TMEM117: variants seen among roughly 807,000 people sequenced by gnomAD.
The protein encoded by TMEM117 is transmembrane protein 117.
TMEM117 carries 27 observed loss-of-function variants against 52.4 expected under a neutral mutation model. That is an observed-to-expected ratio of 0.51 (90% CI 0.38 to 0.71). TMEM117 has a LOEUF of 0.71. Among genes scored for constraint, TMEM117 ranks in the 30% least tolerant of loss-of-function variants. The pLI is 0.00. For missense variants in TMEM117, 556 were observed against 630.5 expected (o/e 0.88, Z 1.26); for synonymous variants, 215 against 206.3 (o/e 1.04, Z -0.36).
At chr12:44,209,984 A>G (rs554895660) in intron 4 of TMEM117, among the ~76,000 whole-genome samples, 387 of 152,242 alleles carry the variant, frequency 2.5e-3, no homozygotes, top group Non-Finnish European at 4.4e-3. Context: ...ACAATCTTTC[A>G]TCATAAATGA....
chr12:44,203,095 T>TTTGTTGTTG (rs58933565), intron 4 of TMEM117, among the ~76,000 whole-genome samples: 13,001 of 151,460 alleles, frequency 0.086, 663 homozygotes, highest in Middle Eastern at 0.14. Context: ...ACACATGGCC[T>TTTGTTGTTG]TTGTTGTTGT....
intron 5 of TMEM117, among the ~76,000 whole-genome samples, chr12:44,229,752 A>T (rs79350608): frequency 0.018 from 2,668 of 152,230 alleles, 61 homozygotes; most frequent in East Asian, 0.057. Context: ...AGCCATAATT[A>T]ATCTGTAGCA....
At chr12:44,035,904 G>A (rs747046299) in intron 3 of TMEM117, among the ~76,000 whole-genome samples, 1 of 152,146 alleles carries the variant, frequency 6.6e-6, no homozygotes. Flanking sequence ...ACTGCTGAGG[G>A]CCCCTGAGTT....
At chr12:44,150,883 T>C (rs1592559937) in intron 4 of TMEM117, among the ~76,000 whole-genome samples, 2 of 152,174 alleles carry the variant, frequency 1.3e-5, no homozygotes, top group East Asian at 3.9e-4. Flanking sequence ...AAGGTTGTAC[T>C]ATAATGTATA....
At chr12:44,381,739 G>C (rs1952023901) in intron 7 of TMEM117, among the ~76,000 whole-genome samples, 1 of 152,246 alleles carries the variant, frequency 6.6e-6, no homozygotes, top group East Asian at 1.9e-4. Flanking sequence ...TGAGAATGTG[G>C]AAAATAATGA....
intron 6 of TMEM117, among the ~76,000 whole-genome samples, chr12:44,369,969 G>A (rs551105467): frequency 6.6e-6 from 1 of 152,274 alleles, no homozygotes; most frequent in East Asian, 1.9e-4. Context: ...GTAACCTCCT[G>A]CAATGTCTCT....
chr12:44,133,488 T>C (rs1948445319), intron 3 of TMEM117, among the ~76,000 whole-genome samples: 1 of 152,142 alleles, frequency 6.6e-6, no homozygotes, highest in South Asian at 2.1e-4. Context: ...TTTTCTTCTC[T>C]CCTCTCTTTT....
chr12:44,218,414 A>C (rs1212683767), intron 5 of TMEM117, among the ~76,000 whole-genome samples: 5 of 152,196 alleles, frequency 3.3e-5, no homozygotes, highest in African/African-American at 9.7e-5. Context: ...GTACAGAAAA[A>C]GCATTTGACA....
intron 3 of TMEM117, among the ~76,000 whole-genome samples, chr12:44,137,888 T>A (rs1021006913): frequency 6.6e-6 from 1 of 152,138 alleles, no homozygotes; most frequent in Non-Finnish European, 1.5e-5. Flanking sequence ...CCTGTGACAT[T>A]GGGGACCACA....
At chr12:43,980,682 C>T (rs1309506407) in intron 3 of TMEM117, among the ~76,000 whole-genome samples, 2 of 152,152 alleles carry the variant, frequency 1.3e-5, no homozygotes, top group East Asian at 3.9e-4. Context: ...CAGTATTCCT[C>T]ACATGGGGTA....
intron 2 of TMEM117, among the ~76,000 whole-genome samples, chr12:43,846,510 C>T (rs1565716582): frequency 6.6e-6 from 1 of 152,078 alleles, no homozygotes; most frequent in Non-Finnish European, 1.5e-5. Context: ...CGATTTTTGC[C>T]TAGAGGTAGG....
At chr12:44,022,546 G>A (rs1946471733) in intron 3 of TMEM117, among the ~76,000 whole-genome samples, 1 of 152,152 alleles carries the variant, frequency 6.6e-6, no homozygotes, top group Admixed American at 6.5e-5. Context: ...TGCTTCAATA[G>A]TAAAATGAAG....
rs1273023137 is a variant in TMEM117 at position 43,844,618 on chromosome 12, A to G, written c.-28-6A>G. The G allele has an allele frequency of 1.3e-6, 2 of 1,596,594 alleles. No individual in the cohort carries two copies. Among genetic ancestry groups the G allele is most frequent in the South Asian group, 1.1e-5 (1 of 87,362 alleles). ...CCTCTAACCCTATCTATCTTTTCTT[A>G]TACAGGTAAACTACGAACTGGGAGT... On this transcript the variant is annotated splice_region_variant and splice_polypyrimidine_tract_variant and intron_variant, in intron 1 of 7. Coordinates refer to ENST00000266534, the MANE Select transcript of TMEM117 (RefSeq NM_032256.3).
At chr12:44,220,939 C>A (rs1434097751) in intron 5 of TMEM117, among the ~76,000 whole-genome samples, 1 of 152,076 alleles carries the variant, frequency 6.6e-6, no homozygotes, top group African/African-American at 2.4e-5. Flanking sequence ...AGAGACAAAT[C>A]TCCTGTACAG....
chr12:44,105,690 C>T (rs111944701), intron 3 of TMEM117, among the ~76,000 whole-genome samples: 3 of 152,134 alleles, frequency 2.0e-5, no homozygotes, highest in African/African-American at 7.2e-5. Flanking sequence ...CACCAACCTC[C>T]TGGCCCCTGG....
chr12:43,807,884 T>A, the TMEM117 span, among the ~76,000 whole-genome samples: 1 of 152,342 alleles, frequency 6.6e-6, no homozygotes, highest in African/African-American at 2.4e-5. Flanking sequence ...CTCCATTTAG[T>A]GAACATTTGC....
At chr12:44,009,367 T>C (rs1946253460) in intron 3 of TMEM117, 1 of 210,522 alleles carries the variant, frequency 4.8e-6, no homozygotes, top group South Asian at 8.0e-5. Flanking sequence ...TACAACATCA[T>C]AAAGTCTTCT....
chr12:44,227,367 G>A (rs1949875934), intron 5 of TMEM117, among the ~76,000 whole-genome samples: 1 of 152,108 alleles, frequency 6.6e-6, no homozygotes, highest in African/African-American at 2.4e-5. Context: ...GGGAGGCTGA[G>A]GTGAGCAGAT....
At chr12:44,371,864 TG>T (rs1565768100) in intron 6 of TMEM117, among the ~76,000 whole-genome samples, 2 of 152,330 alleles carry the variant, frequency 1.3e-5, no homozygotes, top group East Asian at 3.9e-4. Context: ...TGATTTTCAT[TG>T]CATAGGCAAA....
Sources: gnomAD v4.1 joint callset for allele counts (sites outside exome capture counted in the v4.1 genomes callset) on GRCh38, gnomAD v4.1.1 for gene constraint, MANE v1.5 for transcripts, NCBI Gene and HGNC (gene_info 2026-07-23, HGNC 2026-07-21) for gene names.